The following MTF2 variants were observed in gnomAD, a reference collection of about 807,000 sequenced individuals.
The protein encoded by MTF2 is metal-response element-binding transcription factor 2.
Under a neutral mutation model 79.5 loss-of-function variants are expected in MTF2, and 11 were observed. The ratio of observed to expected loss-of-function variants is 0.14; its 90% CI spans 0.09 to 0.23. The LOEUF is 0.23. MTF2 is among the 10% of genes least tolerant of loss of function. The probability of loss-of-function intolerance (pLI) is 1.00; values close to 1 mark genes in which losing one functional copy is unlikely to be tolerated. For synonymous variants in MTF2, 208 were observed against 232.8 expected, an observed-to-expected ratio of 0.89 and a Z score of 0.97; for missense variants, 486 against 711.2, an observed-to-expected ratio of 0.68 and a Z score of 3.60.
intron 1 of MTF2, among the ~76,000 whole-genome samples, chr1:93,091,027 C>G (rs1241983857): frequency 6.6e-6 from 1 of 151,448 alleles, no homozygotes; most frequent in Non-Finnish European, 1.5e-5. Flanking sequence ...AATGTTCAAA[C>G]ATTTTTTTGC....
intron 10 of MTF2, 39 bp downstream of exon 10, chr1:93,127,338 A>C (rs775315808): frequency 7.8e-7 from 1 of 1,277,512 alleles, no homozygotes; most frequent in Non-Finnish European, 1.1e-6. Context: ...TGAGGGAGAC[A>C]TTTAGTAAGT....
At chr1:93,081,175 CT>C (rs1654590795) in intron 1 of MTF2, among the ~76,000 whole-genome samples, 1 of 152,144 alleles carries the variant, frequency 6.6e-6, no homozygotes. Flanking sequence ...CAGAAATCAT[CT>C]TGTTAAGCCT....
intron 3 of MTF2, 56 bp from the exon 4 acceptor site, chr1:93,114,632 T>G: frequency 8.6e-6 from 12 of 1,392,132 alleles, no homozygotes; most frequent in Admixed American, 4.2e-5. Context: ...TAAAAGTGGT[T>G]TTGTTTTATG....
intron 1 of MTF2, among the ~76,000 whole-genome samples, chr1:93,094,521 C>A (rs1655203073): frequency 6.6e-6 from 1 of 152,006 alleles, no homozygotes; most frequent in Admixed American, 6.6e-5. Context: ...TAGATCTTGC[C>A]TCTTTTTTTC....
intron 1 of MTF2, among the ~76,000 whole-genome samples, chr1:93,087,636 T>TACA (rs1237403987): frequency 5.3e-5 from 8 of 151,906 alleles, no homozygotes; most frequent in African/African-American, 1.9e-4. Flanking sequence ...CTGTCGATAC[T>TACA]GGCAGTGAAT....
At position 93,117,554 on chromosome 1, in the gene MTF2, G is replaced by A. The variant is rs571813689; in HGVS notation, c.633-791G>A. ...TAGATTAGATTTATGATAATGTTAA[G>A]CAGGTTTATTAAATCGTTATATTCT... On this transcript the variant is annotated intron_variant, in intron 6 of 14. Transcript: ENST00000370298. Among the ~76,000 whole-genome samples the A allele has an allele frequency of 6.6e-5, 10 of 152,268 alleles. No individual in the cohort carries two copies. The South Asian group carries it at 2.1e-3, about 32-fold the overall frequency.
chr1:93,121,303 A>T, intron 9 of MTF2: 3 of 873,254 alleles, frequency 3.4e-6, no homozygotes, highest in Non-Finnish European at 2.7e-6. Context: ...GAATAGCAGA[A>T]AGAGAAAAGT....
At chr1:93,102,949 G>A (rs1655608065) in intron 1 of MTF2, among the ~76,000 whole-genome samples, 1 of 152,064 alleles carries the variant, frequency 6.6e-6, no homozygotes, top group South Asian at 2.1e-4. Context: ...GGCCAACATA[G>A]TGAAACCCTG....
At chr1:93,104,340 A>G (rs1156723659) in intron 1 of MTF2, among the ~76,000 whole-genome samples, 10 of 151,994 alleles carry the variant, frequency 6.6e-5, no homozygotes, top group African/African-American at 9.7e-5. Context: ...AGTAGAGTCT[A>G]TTTTTTACTT....
At chr1:93,101,007 T>C (rs973562817) in intron 1 of MTF2, among the ~76,000 whole-genome samples, 1 of 152,182 alleles carries the variant, frequency 6.6e-6, no homozygotes, top group Non-Finnish European at 1.5e-5. Context: ...AGGGAAGAAA[T>C]TGTGGGCATG....
At chr1:93,129,582 C>G in intron 11 of MTF2, 134 bp downstream of exon 11, 1 of 566,508 alleles carries the variant, frequency 1.8e-6, no homozygotes, top group South Asian at 4.7e-5. Context: ...TTTTTTTGGT[C>G]TATCATATCT....
In MTF2 at chr1:93,079,371, C is replaced by G. The variant is rs1337614464; in HGVS notation, c.-156C>G. On this transcript the variant is annotated 5_prime_UTR_variant, in exon 1 of 15. Coordinates refer to ENST00000370298, the MANE Select transcript of MTF2 (RefSeq NM_007358.4). ...AAGAACGCTCATTCTACCCCCAACCCTTGTCTCCAAGGACCTCGGTTTGTG... is the reference window on the plus strand; with the variant it reads ...AAGAACGCTCATTCTACCCCCAACCGTTGTCTCCAAGGACCTCGGTTTGTG... 4.6e-6 allele frequency: 4 copies of G among 865,328 alleles called. No homozygotes were observed. The highest frequency in any genetic ancestry group is 4.4e-5 in the South Asian group (3 of 68,764). The allele number at this position is 865,328 out of a possible 1,614,324, so 53.6% of individuals were successfully genotyped here.
At chr1:93,134,057 T>G in intron 13 of MTF2, 34 bp from the exon 14 acceptor site, 2 of 1,556,694 alleles carry the variant, frequency 1.3e-6, no homozygotes, top group Non-Finnish European at 1.8e-6. Flanking sequence ...TTATATAATA[T>G]AGTCGTTACA....
intron 1 of MTF2, among the ~76,000 whole-genome samples, chr1:93,108,137 A>G (rs368334497): frequency 6.6e-6 from 1 of 152,132 alleles, no homozygotes; most frequent in African/African-American, 2.4e-5. Context: ...TTATGCTATT[A>G]TTGCCAAATA....
At chr1:93,098,467 C>A (rs1466922694) in intron 1 of MTF2, among the ~76,000 whole-genome samples, 1 of 152,116 alleles carries the variant, frequency 6.6e-6, no homozygotes, top group Admixed American at 6.5e-5. Context: ...TGGCATGGTA[C>A]CTGGCATATA....
intron 3 of MTF2, among the ~76,000 whole-genome samples, chr1:93,113,774 C>T (rs1312912484): frequency 6.6e-6 from 1 of 151,968 alleles, no homozygotes; most frequent in Non-Finnish European, 1.5e-5. Flanking sequence ...TTTGTCTGAG[C>T]CTCAGTTCTT....
At position 93,118,340 on chromosome 1, in the gene MTF2, A is replaced by G; in HGVS notation, c.633-5A>G. Reference sequence around the variant, plus strand: ...TAGTGTTAACTTTTTTGTTTTTTTTAATAGCTGGTATTTGAAGATGCTACA... The same window carrying G: ...TAGTGTTAACTTTTTTGTTTTTTTTGATAGCTGGTATTTGAAGATGCTACA... On this transcript the variant is annotated splice_polypyrimidine_tract_variant and splice_region_variant and intron_variant, in intron 6 of 14. Coordinates refer to ENST00000370298, the MANE Select transcript of MTF2 (RefSeq NM_007358.4). 2 of 1,539,642 alleles carry G rather than the reference A, an allele frequency of 1.3e-6. No homozygotes were observed. The highest frequency in any genetic ancestry group is 1.3e-5 in the South Asian group (1 of 79,780).
chr1:93,083,683 C>T (rs777164389), intron 1 of MTF2, among the ~76,000 whole-genome samples: 2 of 152,136 alleles, frequency 1.3e-5, no homozygotes, highest in Non-Finnish European at 2.9e-5. Context: ...AGCTCACTAG[C>T]GATTATCTGG....
intron 1 of MTF2, among the ~76,000 whole-genome samples, chr1:93,085,940 T>A (rs1654817931): frequency 6.6e-6 from 1 of 152,082 alleles, no homozygotes; most frequent in African/African-American, 2.4e-5. Context: ...AACACAGTCG[T>A]TTGTTATCAG....
Sources: gnomAD v4.1 joint callset for allele counts (sites outside exome capture counted in the v4.1 genomes callset) on GRCh38, gnomAD v4.1.1 for gene constraint, MANE v1.5 for transcripts, NCBI Gene and HGNC (gene_info 2026-07-23, HGNC 2026-07-21) for gene names.